Variants in DOCK8 observed in about 807,000 individuals in gnomAD.
DOCK8 encodes the protein dedicator of cytokinesis 8.
A neutral mutation model predicts 245.6 loss-of-function variants in DOCK8; 141 were observed. That is an observed-to-expected ratio of 0.57 (90% CI 0.50 to 0.66). DOCK8 has a LOEUF of 0.66. Among genes scored for constraint, DOCK8 ranks in the 30% least tolerant of loss-of-function variants. DOCK8 has a pLI of 0.00. For missense variants in DOCK8, 2,965 were observed against 2,603.4 expected (o/e 1.14, Z -3.02); for synonymous variants, 1,168 against 970.2 (o/e 1.20, Z -3.79).
At position 370,273 on chromosome 9, in the gene DOCK8, T is replaced by C. The variant is rs1478926465; in HGVS notation, c.1841T>C (p.Val614Ala). ...AGCGGGCCTGAATTTCTGCAGGAAG[T>C]GTACACAGCTGTTACATACCATAAT... ...KSSGPEFLQE[V>A]YTAVTYHNKS... The change falls in exon 16 of 48, where the codon GTG (valine) becomes GCG (alanine). Residue 614 changes from valine (V) to alanine (A), a missense_variant. Coordinates refer to ENST00000432829, the MANE Select transcript of DOCK8 (RefSeq NM_203447.4). The C allele has an allele frequency of 1.2e-6, 2 of 1,614,098 alleles. No individual in the cohort carries two copies. The highest frequency in any genetic ancestry group is 3.3e-5 in the Admixed American group (2 of 60,022).
chr9:443,331 C>T, intron 42 of DOCK8, 96 bp from the exon 43 acceptor site: 3 of 1,151,958 alleles, frequency 2.6e-6, no homozygotes, highest in Non-Finnish European at 3.9e-6. Flanking sequence ...CATCATTCTA[C>T]CTTGCACTTG....
At chr9:400,985 T>TCCTTCACCATCACCACCATCA (rs1564017107) in intron 26 of DOCK8, among the ~76,000 whole-genome samples, 2 of 75,832 alleles carry the variant, frequency 2.6e-5, no homozygotes, top group East Asian at 4.4e-4. Context: ...CATCACCACC[T>TCCTTCACCATCACCACCATCA]CCTCCACCAC....
intron 1 of DOCK8, among the ~76,000 whole-genome samples, chr9:245,641 C>T (rs2047489165): frequency 6.6e-6 from 1 of 152,224 alleles, no homozygotes; most frequent in Non-Finnish European, 1.5e-5. Context: ...GGCTGACCCA[C>T]ACCCTACTGC....
intron 14 of DOCK8, among the ~76,000 whole-genome samples, chr9:341,283 T>G (rs2051577838): frequency 1.3e-5 from 2 of 152,238 alleles, no homozygotes; most frequent in African/African-American, 4.8e-5. Context: ...CTGCCTTGGT[T>G]TCTGAATCGC....
At position 396,917 on chromosome 9, in the gene DOCK8, T is replaced by G. The variant is rs761188140; in HGVS notation, c.3103T>G (p.Leu1035Val). 6.2e-7 allele frequency: 1 copy of G among 1,614,120 alleles called. No homozygotes were observed. Among genetic ancestry groups the G allele is most frequent in the South Asian group, 1.1e-5 (1 of 91,078 alleles). Residue 1035 changes from leucine to valine, a missense_variant, in exon 25 of 48, where the codon TTA (leucine) becomes GTA (valine). Around this residue, in one of 3 missense-constraint regions of DOCK8, gnomAD observed 2,825 missense variants for 2,453.5 expected, o/e 1.15. Coordinates refer to ENST00000432829, the MANE Select transcript of DOCK8 (RefSeq NM_203447.4). ...GGTCACCTCGGAAATTGCAGCCCTT[T>G]TAGTAAAACCACAGAAGGTAACTGT... The part of the protein sequence containing the change: ...NVVTSEIAAL[L>V]VKPQKENEQA...
intron 13 of DOCK8, 53 bp downstream of exon 13, chr9:339,152 T>G: frequency 6.9e-7 from 1 of 1,456,672 alleles, no homozygotes. Context: ...TGCTTATCGT[T>G]AGACACAGTC....
intron 1 of DOCK8, among the ~76,000 whole-genome samples, chr9:228,948 T>C (rs2047046315): frequency 6.6e-6 from 1 of 152,210 alleles, no homozygotes; most frequent in Non-Finnish European, 1.5e-5. Context: ...TCACACGGTC[T>C]CTTGTTGTTC....
At chr9:356,794 T>A (rs183024342) in intron 14 of DOCK8, among the ~76,000 whole-genome samples, 1 of 152,300 alleles carries the variant, frequency 6.6e-6, no homozygotes, top group Admixed American at 6.5e-5. Flanking sequence ...ATATTAAATC[T>A]ACCAAGCAGT....
rs547033691 is a variant in DOCK8, at chr9:223,489, A to T, written c.53+8460A>T. On this transcript the variant is annotated intron_variant, in intron 1 of 47. Transcript: ENST00000432829. ...TGGCCTCATAGCCCTCCGTGACTTCAAAGTATTCCTCTCTGGGGTCATGCC... is the reference window on the plus strand; with the variant it reads ...TGGCCTCATAGCCCTCCGTGACTTCTAAGTATTCCTCTCTGGGGTCATGCC... Among the ~76,000 whole-genome samples, 7 of 152,314 alleles carry T rather than the reference A, an allele frequency of 4.6e-5. No individual in the cohort carries two copies. In the East Asian group the frequency reaches 1.3e-3, roughly 29 times the overall value.
intron 1 of DOCK8, among the ~76,000 whole-genome samples, chr9:219,272 C>G (rs567399477): frequency 6.6e-6 from 1 of 152,242 alleles, no homozygotes; most frequent in South Asian, 2.1e-4. Context: ...GAGTTCAAGA[C>G]CGGCCTGGCC....
intron 41 of DOCK8, 29 bp from the exon 42 acceptor site, chr9:441,846 A>C: frequency 6.2e-7 from 1 of 1,614,104 alleles, no homozygotes; most frequent in South Asian, 1.1e-5. Flanking sequence ...GACATAACTA[A>C]GGAGAGCTTT....
intron 9 of DOCK8, among the ~76,000 whole-genome samples, chr9:328,999 G>T (rs2050889124): frequency 7.2e-6 from 1 of 139,330 alleles, no homozygotes; most frequent in Non-Finnish European, 1.5e-5. Flanking sequence ...ACCCAGGCTG[G>T]AGTGCAGTGT....
In DOCK8 at chr9:395,328, G is replaced by C. The variant is rs565364562; in HGVS notation, c.2971-1457G>C. Among the ~76,000 whole-genome samples, 7 of 152,274 alleles carry C rather than the reference G, an allele frequency of 4.6e-5. No homozygotes were observed. In the South Asian group the frequency reaches 6.2e-4, roughly 14 times the overall value. On this transcript the variant is annotated intron_variant, in intron 24 of 47. Coordinates refer to ENST00000432829, the MANE Select transcript of DOCK8 (RefSeq NM_203447.4). ...GAAACACATAAAGCCTGTGTCTCTGGTTTTTTCTTATTTTGCCTTCCCTTT... is the reference window on the plus strand; with the variant it reads ...GAAACACATAAAGCCTGTGTCTCTGCTTTTTTCTTATTTTGCCTTCCCTTT...
In DOCK8 at chr9:414,033, T is replaced by A. The variant is rs2055875439; in HGVS notation, c.3531-749T>A. Among the ~76,000 whole-genome samples, 3 of 151,954 alleles carry A rather than the reference T, an allele frequency of 2.0e-5. No homozygotes were observed. The South Asian group carries it at 6.2e-4, about 32-fold the overall frequency. On this transcript the variant is annotated intron_variant, in intron 28 of 47. Coordinates refer to ENST00000432829, the MANE Select transcript of DOCK8 (RefSeq NM_203447.4). ...GGCAGGTGCCTGTAGTCCCCGCTAC[T>A]TGGGAGGCTGAGTCAGAAGAATTGC...
At chr9:214,528 T>C (rs775727556), upstream of DOCK8, 1 of 1,613,302 alleles carries the variant, frequency 6.2e-7, no homozygotes, top group Admixed American at 1.7e-5. Flanking sequence ...CCTGGGGTGA[T>C]TCCCGACCTC....
rs763990949 is a variant in DOCK8, at chr9:464,176, C to G, written c.6257C>G (p.Ser2086Cys). The G allele has an allele frequency of 1.9e-6, 3 of 1,613,834 alleles. No individual in the cohort carries two copies. The highest frequency in any genetic ancestry group is 4.5e-5 in the East Asian group (2 of 44,880). ...ESQKRDSFHR[S>C]SFRKCETQLS... is the part of the protein sequence containing the mutation. ...AATTTCAGGGACTCCTTCCACAGAT[C>G]TAGTTTCAGGAAATGTGAAACCCAG... is the stretch of plus-strand genomic sequence containing the variant. Residue 2086 changes from serine (S) to cysteine (C), a missense_variant, in exon 48 of 48, where the codon TCT becomes TGT. Physicochemically the swap from Ser to Cys is moderately radical, Grantham distance 112. Coordinates refer to ENST00000432829, the MANE Select transcript of DOCK8 (RefSeq NM_203447.4).
intron 2 of DOCK8, among the ~76,000 whole-genome samples, chr9:285,095 T>TA (rs531054315): frequency 5.3e-5 from 8 of 149,668 alleles, no homozygotes; most frequent in East Asian, 1.9e-4. Flanking sequence ...ACCTAAAAGT[T>TA]AAAAAAAAAA....
rs2047094956 is a variant in DOCK8 at position 230,709 on chromosome 9, G to A, written c.53+15680G>A. On this transcript the variant is annotated intron_variant, in intron 1 of 47. Transcript: ENST00000432829. Reference sequence around the variant, plus strand: ...CTGCATAAATGTCTTCTTTTGAGAAGTGTTTGTTCATATCCTTCGCCCACT... The same window carrying A: ...CTGCATAAATGTCTTCTTTTGAGAAATGTTTGTTCATATCCTTCGCCCACT... Among the ~76,000 whole-genome samples the A allele has an allele frequency of 2.0e-5, 3 of 151,448 alleles. No homozygotes were observed. The South Asian group carries it at 6.3e-4, about 32-fold the overall frequency.
chr9:280,140 C>G (rs1008859757), intron 2 of DOCK8, among the ~76,000 whole-genome samples: 1 of 152,104 alleles, frequency 6.6e-6, no homozygotes, highest in Non-Finnish European at 1.5e-5. Context: ...AAATCTCAAA[C>G]TTGCTTAATT....
Sources: gnomAD v4.1 joint callset for allele counts (sites outside exome capture counted in the v4.1 genomes callset) on GRCh38, gnomAD v4.1.1 for gene constraint, gnomAD v4.1.1 regional missense constraint, MANE v1.5 for transcripts, NCBI Gene and HGNC (gene_info 2026-07-23, HGNC 2026-07-21) for gene names.